Variants in FOXP2 observed in about 807,000 individuals in gnomAD.
FOXP2 encodes the protein forkhead box P2.
In FOXP2, 12 loss-of-function variants were observed where a neutral mutation model predicts 115.8. That is an observed-to-expected ratio of 0.10 (90% CI 0.07 to 0.17). The LOEUF (loss-of-function observed/expected upper bound fraction) is 0.17. Ranked by LOEUF, FOXP2 falls within the 10% of genes least tolerant of loss-of-function variation. FOXP2 has a pLI of 1.00. For synonymous variants in FOXP2, 328 were observed against 297.7 expected (o/e 1.10, Z -1.05); for missense variants, 629 against 843.5 (o/e 0.75, Z 3.15).
chr7:114,680,199 C>T (rs1283906193), intron 16 of FOXP2, among the ~76,000 whole-genome samples: 4 of 152,136 alleles, frequency 2.6e-5, no homozygotes, highest in African/African-American at 7.2e-5. Context: ...TAGGAGCTGG[C>T]TATGCCTTTT....
intron 1 of FOXP2, among the ~76,000 whole-genome samples, chr7:114,187,897 G>A (rs1793654078): frequency 6.6e-6 from 1 of 152,128 alleles, no homozygotes. Context: ...GGTTTAGAGA[G>A]AGCGAAAGAG....
At chr7:114,161,517 T>G (rs1792830114), upstream of FOXP2, among the ~76,000 whole-genome samples, 1 of 136,434 alleles carries the variant, frequency 7.3e-6, no homozygotes. Context: ...TGGCTTTGTT[T>G]TAACTATTTT....
At chr7:114,347,364 G>A (rs1791372531) in intron 2 of FOXP2, among the ~76,000 whole-genome samples, 2 of 151,904 alleles carry the variant, frequency 1.3e-5, no homozygotes, top group Admixed American at 1.3e-4. Flanking sequence ...ATACGTATAT[G>A]TTTTGTATGA....
chr7:114,441,045 T>C (rs983221628), intron 2 of FOXP2, among the ~76,000 whole-genome samples: 1 of 152,192 alleles, frequency 6.6e-6, no homozygotes, highest in Non-Finnish European at 1.5e-5. Context: ...AAAAATATCA[T>C]ATATAATTTT....
upstream of FOXP2, among the ~76,000 whole-genome samples, chr7:114,086,887 G>C (rs534935992): frequency 3.9e-5 from 6 of 152,300 alleles, no homozygotes; most frequent in Non-Finnish European, 5.9e-5. Flanking sequence ...GGGTGGAGAG[G>C]GGAGATTTGC....
At chr7:114,090,963 A>G (rs1799530774) in intron 1 of FOXP2, among the ~76,000 whole-genome samples, 1 of 151,804 alleles carries the variant, frequency 6.6e-6, no homozygotes, top group African/African-American at 2.4e-5. Flanking sequence ...TTGTCTAAAA[A>G]TGCCATCACT....
chr7:114,454,243 A>G (rs1214689771), intron 2 of FOXP2, among the ~76,000 whole-genome samples: 2 of 152,200 alleles, frequency 1.3e-5, no homozygotes, highest in East Asian at 1.9e-4. Flanking sequence ...GAAGACATCT[A>G]TGCAGCCAAA....
intron 1 of FOXP2, among the ~76,000 whole-genome samples, chr7:114,129,874 A>G (rs1182838611): frequency 3.9e-5 from 6 of 152,238 alleles, no homozygotes; most frequent in African/African-American, 1.4e-4. Context: ...GGTACTACAG[A>G]AAAGATATGC....
Position 114,513,220 on chromosome 7 carries a change from A to G in FOXP2, c.169-21397A>G, listed in dbSNP as rs977428. Reference sequence around the variant, plus strand: ...AGTGCTTTTTTAGCTGTAAAATGTTATATTCTGTAATTGTAGTTTCAGTAA... The same window carrying G: ...AGTGCTTTTTTAGCTGTAAAATGTTGTATTCTGTAATTGTAGTTTCAGTAA... On this transcript the variant is annotated intron_variant, in intron 2 of 16. Coordinates refer to ENST00000350908, the MANE Select transcript of FOXP2 (RefSeq NM_014491.4). Among the ~76,000 whole-genome samples the G allele has an allele frequency of 8.6e-3, 1,313 of 152,320 alleles. 15 individuals are homozygous for G. The highest frequency in any genetic ancestry group is 0.03 in the African/African-American group (1,253 of 41,572).
intron 2 of FOXP2, among the ~76,000 whole-genome samples, chr7:114,377,472 T>A (rs1029551482): frequency 2.0e-5 from 3 of 152,170 alleles, no homozygotes; most frequent in African/African-American, 7.2e-5. Flanking sequence ...ATCTACCCAT[T>A]GGGGGCATAG....
At chr7:114,516,253 C>T (rs1798336967) in intron 2 of FOXP2, among the ~76,000 whole-genome samples, 1 of 152,096 alleles carries the variant, frequency 6.6e-6, no homozygotes, top group Admixed American at 6.6e-5. Flanking sequence ...AGAAATAATG[C>T]CGCATATCTA....
chr7:114,467,134 A>G (rs1293752836), intron 2 of FOXP2, among the ~76,000 whole-genome samples: 1 of 151,960 alleles, frequency 6.6e-6, no homozygotes, highest in Non-Finnish European at 1.5e-5. Flanking sequence ...GGTGACCTCC[A>G]CTGTTTATTT....
chr7:114,244,267 A>G (rs2129168148), intron 1 of FOXP2, among the ~76,000 whole-genome samples: 1 of 152,324 alleles, frequency 6.6e-6, no homozygotes, highest in South Asian at 2.1e-4. Flanking sequence ...TAAATGAGCT[A>G]ATCTTGATAC....
chr7:114,158,822 C>T (rs917211837), upstream of FOXP2, among the ~76,000 whole-genome samples: 21 of 151,980 alleles, frequency 1.4e-4, no homozygotes, highest in Non-Finnish European at 1.9e-4. Context: ...TGGAGTTTTC[C>T]GCAGATGTTC....
intron 2 of FOXP2, among the ~76,000 whole-genome samples, chr7:114,329,052 G>C (rs1484896025): frequency 6.6e-6 from 1 of 152,136 alleles, no homozygotes; most frequent in East Asian, 1.9e-4. Flanking sequence ...ACTTCAATTT[G>C]ATTTAAAAAT....
intron 2 of FOXP2, among the ~76,000 whole-genome samples, chr7:114,398,321 T>A (rs1001407070): frequency 6.6e-6 from 1 of 152,058 alleles, no homozygotes; most frequent in Non-Finnish European, 1.5e-5. Flanking sequence ...AAAAAATACT[T>A]CTTAAATAGA....
intron 1 of FOXP2, among the ~76,000 whole-genome samples, chr7:114,279,614 T>G (rs1387952198): frequency 1.3e-5 from 2 of 152,286 alleles, no homozygotes; most frequent in East Asian, 3.9e-4. Flanking sequence ...CTTGCTTCTG[T>G]AAGCCATGTT....
At chr7:114,201,152 A>G (rs980051851) in intron 1 of FOXP2, among the ~76,000 whole-genome samples, 1 of 151,956 alleles carries the variant, frequency 6.6e-6, no homozygotes, top group African/African-American at 2.4e-5. Context: ...GAGAAACTCC[A>G]TCTCAAAAAT....
In FOXP2 at chr7:114,690,967, T is replaced by A. The variant is rs755478784; in HGVS notation, c.*1041T>A. ...TGTTAATTCAGTCACAGAGTAATCT[T>A]CTGAGGCCAAAAGTCCATCTAAATG... On this transcript the variant is annotated 3_prime_UTR_variant, in exon 17 of 17. Transcript: ENST00000350908. The A allele has an allele frequency of 6.6e-6, 3 of 454,352 alleles. No individual in the cohort carries two copies. The highest frequency in any genetic ancestry group is 8.8e-6 in the Non-Finnish European group (2 of 226,768). The allele number at this position is 454,352 out of a possible 1,614,324, so 28.1% of individuals were successfully genotyped here.
Sources: allele counts gnomAD v4.1 joint callset (sites outside exome capture counted in the v4.1 genomes callset), GRCh38; gene constraint gnomAD v4.1.1; transcripts MANE v1.5; gene names NCBI Gene and HGNC (gene_info 2026-07-23, HGNC 2026-07-21).